CTBP2: variants seen among roughly 807,000 people sequenced by gnomAD.
CTBP2 encodes the protein C-terminal binding protein 2, also known as C-terminal-binding protein 2.
In CTBP2, 30 loss-of-function variants were observed where a neutral mutation model predicts 80.3. The observed-to-expected ratio is 0.37, with a 90% CI of 0.28 to 0.51. The LOEUF is 0.51. Ranked by LOEUF, CTBP2 falls within the 20% of genes least tolerant of loss-of-function variation. CTBP2 has a pLI of 0.93. For synonymous variants in CTBP2, 594 were observed against 587.4 expected (o/e 1.01, Z -0.16); for missense variants, 1,212 against 1,375.3 (o/e 0.88, Z 1.88).
chr10:125,003,316 C>T (rs201673487), intron 2 of CTBP2, 22 bp downstream of exon 4: 40 of 1,604,178 alleles, frequency 2.5e-5, no homozygotes, highest in South Asian at 8.8e-5. Flanking sequence ...GTGCAGGCCC[C>T]GGCCGGGCAG....
In CTBP2 at chr10:125,040,225, C is replaced by G. The variant is rs61696873; in HGVS notation, c.-101-1070G>C. ...AGCCCAGAAGTTTGGGAGGCCGAGGCGGGCAGATCACCTGAGGTCAGGAGT... is the reference window on the plus strand; with the variant it reads ...AGCCCAGAAGTTTGGGAGGCCGAGGGGGGCAGATCACCTGAGGTCAGGAGT... On this transcript the variant is annotated intron_variant, in intron 2 of 10. Coordinates refer to the CTBP2 transcript ENST00000337195. Among the ~76,000 whole-genome samples the G allele has an allele frequency of 4.4e-3, 673 of 152,192 alleles. 7 individuals are homozygous for G. Among genetic ancestry groups the G allele is most frequent in the Middle Eastern group, 0.017 (5 of 294 alleles).
chr10:125,074,430 C>T (rs1398181273), intron 2 of CTBP2, among the ~76,000 whole-genome samples: 1 of 152,230 alleles, frequency 6.6e-6, no homozygotes. Context: ...TCTCTGCTCA[C>T]TGCAACCTCT....
intron 1 of CTBP2, among the ~76,000 whole-genome samples, chr10:125,014,954 C>G (rs747624629): frequency 1.8e-4 from 28 of 152,188 alleles, no homozygotes; most frequent in Admixed American, 5.9e-4. Flanking sequence ...GAAAAGTGAG[C>G]GTTCGTCAAC....
intron 8 of CTBP2, among the ~76,000 whole-genome samples, chr10:124,991,145 C>T (rs757286055): frequency 3.3e-5 from 5 of 152,216 alleles, no homozygotes; most frequent in Non-Finnish European, 5.9e-5. Context: ...ACACTGCATT[C>T]GCCAACCACA....
intron 1 of CTBP2, among the ~76,000 whole-genome samples, chr10:125,155,953 G>GT (rs1860846560): frequency 6.6e-6 from 1 of 152,124 alleles, no homozygotes; most frequent in East Asian, 1.9e-4. Flanking sequence ...TTTCAGCAGG[G>GT]TAAGTTCACA....
At chr10:125,083,757 G>A (rs1847540741) in intron 2 of CTBP2, among the ~76,000 whole-genome samples, 1 of 152,062 alleles carries the variant, frequency 6.6e-6, no homozygotes, top group Non-Finnish European at 1.5e-5. Flanking sequence ...CTGTAGGCAC[G>A]CACCATCACA....
chr10:125,008,572 G>T (rs1401468889), intron 1 of CTBP2, among the ~76,000 whole-genome samples: 1 of 152,238 alleles, frequency 6.6e-6, no homozygotes, highest in East Asian at 1.9e-4. Context: ...CACAGATGTT[G>T]TAAGAAGTAC....
At chr10:125,095,116 A>G (rs540854922) in intron 2 of CTBP2, among the ~76,000 whole-genome samples, 17 of 152,164 alleles carry the variant, frequency 1.1e-4, no homozygotes, top group Non-Finnish European at 2.4e-4. Context: ...CTGCAGCCCC[A>G]TCTTTTAGGG....
chr10:125,013,748 A>G (rs1253380243), intron 1 of CTBP2, among the ~76,000 whole-genome samples: 1 of 152,180 alleles, frequency 6.6e-6, no homozygotes, highest in South Asian at 2.1e-4. Context: ...ACTCAAACTC[A>G]GGTCTCTCTG....
intron 2 of CTBP2, among the ~76,000 whole-genome samples, chr10:125,070,332 CAG>C (rs34689338): frequency 0.026 from 3,985 of 152,200 alleles, 183 homozygotes; most frequent in African/African-American, 0.09. Flanking sequence ...GCCTGAGTGA[CAG>C]AGAGAGACTC....
chr10:125,062,300 C>A (rs1965127605), intron 2 of CTBP2, among the ~76,000 whole-genome samples: 1 of 152,190 alleles, frequency 6.6e-6, no homozygotes, highest in East Asian at 1.9e-4. Flanking sequence ...TAGGAAAATA[C>A]ACTGAACTAT....
chr10:125,129,524 T>C (rs1295045658), intron 1 of CTBP2, among the ~76,000 whole-genome samples: 2 of 151,872 alleles, frequency 1.3e-5, no homozygotes, highest in Non-Finnish European at 2.9e-5. Context: ...AGCCAAGAAA[T>C]GTGGTCAAAC....
intron 1 of CTBP2, among the ~76,000 whole-genome samples, chr10:125,152,110 G>A (rs1186011439): frequency 6.6e-6 from 1 of 152,046 alleles, no homozygotes; most frequent in Non-Finnish European, 1.5e-5. Context: ...CTGGGGCGGG[G>A]CCGCGCCGCC....
At chr10:125,035,315 C>T (rs961426423) in intron 3 of CTBP2, among the ~76,000 whole-genome samples, 1 of 152,066 alleles carries the variant, frequency 6.6e-6, no homozygotes, top group Admixed American at 6.6e-5. Flanking sequence ...TCCAGAGGTG[C>T]GGAATGTTTC....
chr10:125,028,249 G>A (rs1957858509), upstream of CTBP2, among the ~76,000 whole-genome samples: 1 of 152,120 alleles, frequency 6.6e-6, no homozygotes, highest in African/African-American at 2.4e-5. Flanking sequence ...CCTCTTCCAA[G>A]CACCAGGGTA....
chr10:125,112,451 C>T (rs1412401232), intron 1 of CTBP2, among the ~76,000 whole-genome samples: 2 of 94,442 alleles, frequency 2.1e-5, no homozygotes, highest in African/African-American at 4.2e-5. Flanking sequence ...TTTTTTGAGA[C>T]GTAGTCTCAC....
At chr10:125,119,601 T>C (rs1177122303) in intron 1 of CTBP2, among the ~76,000 whole-genome samples, 1 of 152,212 alleles carries the variant, frequency 6.6e-6, no homozygotes, top group Non-Finnish European at 1.5e-5. Flanking sequence ...TGTATTCAAA[T>C]CTCACATATT....
At chr10:125,017,973 C>G (rs1034720128) in intron 1 of CTBP2, among the ~76,000 whole-genome samples, 9 of 152,242 alleles carry the variant, frequency 5.9e-5, no homozygotes, top group Non-Finnish European at 1.3e-4. Context: ...ACTCTTGCTC[C>G]AGAGCCCAGC....
intron 2 of CTBP2, among the ~76,000 whole-genome samples, chr10:125,074,916 T>C (rs1033018118): frequency 6.6e-6 from 1 of 152,200 alleles, no homozygotes; most frequent in African/African-American, 2.4e-5. Context: ...TGTGGAACCA[T>C]GAGTCCTACC....
Sources: allele counts gnomAD v4.1 joint callset (sites outside exome capture counted in the v4.1 genomes callset), GRCh38; gene constraint gnomAD v4.1.1; transcripts MANE v1.5; gene names NCBI Gene and HGNC (gene_info 2026-07-23, HGNC 2026-07-21).